The following LRRC52 variants were observed in gnomAD, a reference collection of about 807,000 sequenced individuals.
The protein encoded by LRRC52 is leucine rich repeat containing 52.
Under a neutral mutation model 14.7 loss-of-function variants are expected in LRRC52, and 15 were observed. That is an observed-to-expected ratio of 1.02 (90% CI 0.68 to 1.58). The LOEUF is 1.58. Ranked by LOEUF, LRRC52 falls within the 40% of genes most tolerant of loss-of-function variation. The pLI, the probability that LRRC52 is intolerant of heterozygous loss-of-function variation, is 0.00. For synonymous variants in LRRC52, 180 were observed against 163.9 expected (o/e 1.10, Z -0.75); for missense variants, 400 against 387.7 (o/e 1.03, Z -0.27).
chr1:165,544,759 C>T lies in LRRC52; in HGVS notation c.463C>T (p.Leu155=), dbSNP rs747972204. The part of the protein sequence containing the change: ...TFANTTSLRY[L]DLRNTGLQTL... ...TGCCAACACCACCTCTTTGAGGTAC[C>T]TGGACCTCAGAAATACCGGCTTGCA... is the stretch of plus-strand genomic sequence containing the variant. The change falls in exon 1 of 2, where the codon CTG becomes TTG. Residue 155 remains leucine, a synonymous_variant. Coordinates refer to ENST00000294818, the MANE Select transcript of LRRC52 (RefSeq NM_001005214.4). 2.5e-6 allele frequency: 4 copies of T among 1,613,968 alleles called. No homozygotes were observed. The East Asian group carries it at 6.7e-5, about 27-fold the overall frequency.
intron 1 of LRRC52, among the ~76,000 whole-genome samples, chr1:165,556,974 C>T (rs1661246401): frequency 6.6e-6 from 1 of 152,084 alleles, no homozygotes; most frequent in African/African-American, 2.4e-5. Context: ...AACAACAGGC[C>T]AAAGACATCA....
In LRRC52 at chr1:165,544,017, G is replaced by C; in HGVS notation, c.-280G>C. ...CCCTGGCTCCCCTTCACTTGCAAACGCAGGGAAAGGGTGAGACCTTTCAAA... is the reference window on the plus strand; with the variant it reads ...CCCTGGCTCCCCTTCACTTGCAAACCCAGGGAAAGGGTGAGACCTTTCAAA... On this transcript the variant is annotated 5_prime_UTR_variant, in exon 1 of 2. Transcript: ENST00000294818. 1 of 454,226 alleles carries C rather than the reference G, an allele frequency of 2.2e-6. No homozygotes were observed. The allele number at this position is 454,226 out of a possible 1,614,324, so 28.1% of individuals were successfully genotyped here. A position where few individuals can be genotyped will look rare whatever the true frequency, so the allele number is the denominator to read the frequency against.
intron 1 of LRRC52, among the ~76,000 whole-genome samples, chr1:165,557,551 C>A (rs954995946): frequency 1.3e-5 from 2 of 152,166 alleles, no homozygotes; most frequent in African/African-American, 4.8e-5. Context: ...ACAAAAAATT[C>A]TTATGCTCAT....
Position 165,563,507 on chromosome 1 carries a change from G to A in LRRC52, c.625G>A (p.Asp209Asn), listed in dbSNP as rs1385455153. Residue 209 changes from aspartate (D) to asparagine (N), a missense_variant and splice_region_variant, in exon 2 of 2, where the codon GAT (aspartate) becomes AAT (asparagine). Coordinates refer to ENST00000294818, the MANE Select transcript of LRRC52 (RefSeq NM_001005214.4). Reference sequence around the variant, plus strand: ...GCCTGCTGTGTTTTTCTTCTTAGATGATCTAAATGCCACATGTGTGGAGCC... The same window carrying A: ...GCCTGCTGTGTTTTTCTTCTTAGATAATCTAAATGCCACATGTGTGGAGCC... ...LIVFHMDPSDDLNATCVEPTE... is the reference protein window; with the variant it reads ...LIVFHMDPSDNLNATCVEPTE... 6.2e-7 allele frequency: 1 copy of A among 1,609,852 alleles called. No individual in the cohort carries two copies. The highest frequency in any genetic ancestry group is 1.3e-5 in the African/African-American group (1 of 74,956).
chr1:165,551,687 C>T (rs1661135476), intron 1 of LRRC52, among the ~76,000 whole-genome samples: 1 of 152,016 alleles, frequency 6.6e-6, no homozygotes, highest in East Asian at 1.9e-4. Context: ...CCACTCAGGG[C>T]CATCTGCAGG....
intron 1 of LRRC52, among the ~76,000 whole-genome samples, chr1:165,552,195 A>C (rs534168529): frequency 6.6e-6 from 1 of 152,280 alleles, no homozygotes; most frequent in African/African-American, 2.4e-5. Context: ...TCCCTGACTC[A>C]GGCCAATTGG....
At position 165,557,213 on chromosome 1, in the gene LRRC52, A is replaced by G. The variant is rs145920431; in HGVS notation, c.623-6292A>G. Among the ~76,000 whole-genome samples, 29 of 152,258 alleles carry G rather than the reference A, an allele frequency of 1.9e-4. 2 individuals carry two copies. In the East Asian group the frequency reaches 5.6e-3, roughly 29 times the overall value. On this transcript the variant is annotated intron_variant, in intron 1 of 1. Transcript: ENST00000294818. ...CCCTTGTTTCCTTCTCTTCAGTCTCACAGGACAGAGGAGGTGCTCTTCCCA... is the reference window on the plus strand; with the variant it reads ...CCCTTGTTTCCTTCTCTTCAGTCTCGCAGGACAGAGGAGGTGCTCTTCCCA...
At chr1:165,553,169 A>T (rs1031009065) in intron 1 of LRRC52, among the ~76,000 whole-genome samples, 1 of 152,258 alleles carries the variant, frequency 6.6e-6, no homozygotes, top group Non-Finnish European at 1.5e-5. Context: ...AATAAGGGCC[A>T]AGTACAGAAG....
At chr1:165,563,459 G>C (rs1301747317) in intron 1 of LRRC52, 46 bp from the exon 2 acceptor site, 1 of 1,548,466 alleles carries the variant, frequency 6.5e-7, no homozygotes, top group East Asian at 2.3e-5. Context: ...AGGACGCTGG[G>C]AGTCACGCTG....
At chr1:165,556,385 C>A (rs1157201370) in intron 1 of LRRC52, among the ~76,000 whole-genome samples, 4 of 85,356 alleles carry the variant, frequency 4.7e-5, no homozygotes, top group South Asian at 5.5e-4. Flanking sequence ...ACTCTATATA[C>A]AAGGGGGGGA....
intron 1 of LRRC52, among the ~76,000 whole-genome samples, chr1:165,548,587 A>G (rs1661070060): frequency 1.3e-5 from 2 of 152,214 alleles, no homozygotes; most frequent in African/African-American, 4.8e-5. Context: ...AGCAGAGCCC[A>G]GTGTTAAGAG....
chr1:165,544,919 G>A lies in LRRC52; in HGVS notation c.622+1G>A, dbSNP rs763879696. 2 of 1,612,676 alleles carry A rather than the reference G, an allele frequency of 1.2e-6. No homozygotes were observed. The highest frequency in any genetic ancestry group is 2.2e-5 in the South Asian group (2 of 91,018). ...ATAGTGTTCCATATGGACCCCTCAGGTGAGGGCTTGATTGGGTGTGGGGAA... is the reference window on the plus strand; with the variant it reads ...ATAGTGTTCCATATGGACCCCTCAGATGAGGGCTTGATTGGGTGTGGGGAA... On this transcript the variant is annotated splice_donor_variant, in intron 1 of 1. Coordinates refer to ENST00000294818, the MANE Select transcript of LRRC52 (RefSeq NM_001005214.4). LOFTEE classifies it high-confidence loss of function.
At chr1:165,556,533 G>A (rs182967138) in intron 1 of LRRC52, among the ~76,000 whole-genome samples, 1 of 152,336 alleles carries the variant, frequency 6.6e-6, no homozygotes, top group East Asian at 1.9e-4. Flanking sequence ...AAATATTCTA[G>A]GCTTTGTGGG....
At chr1:165,552,942 G>C (rs1476251752) in intron 1 of LRRC52, among the ~76,000 whole-genome samples, 5 of 152,298 alleles carry the variant, frequency 3.3e-5, no homozygotes, top group African/African-American at 1.2e-4. Context: ...TTGGAGGAGG[G>C]CAGTGAGGAA....
intron 1 of LRRC52, among the ~76,000 whole-genome samples, chr1:165,555,735 G>T (rs1393260426): frequency 6.6e-6 from 1 of 152,228 alleles, no homozygotes; most frequent in African/African-American, 2.4e-5. Context: ...GTTTGCTTAT[G>T]ATCTGAACAT....
rs568701096 is a variant in LRRC52, at chr1:165,546,565, A to AC, written c.622+1647_622+1648insC. Among the ~76,000 whole-genome samples the AC allele has an allele frequency of 2.9e-4, 44 of 152,218 alleles. No homozygotes were observed. The South Asian group carries it at 8.9e-3, about 31-fold the overall frequency. The stretch of plus-strand genomic sequence containing the variant: ...ATTCTCCCCTGTCCATGTTCCTGTA[A>AC]ATTAGCCTGTGGAAGGGTGTCATCT... On this transcript the variant is annotated intron_variant, in intron 1 of 1. Coordinates refer to ENST00000294818, the MANE Select transcript of LRRC52 (RefSeq NM_001005214.4).
intron 1 of LRRC52, among the ~76,000 whole-genome samples, chr1:165,553,451 A>T (rs545645864): frequency 2.0e-5 from 3 of 152,228 alleles, no homozygotes; most frequent in Non-Finnish European, 4.4e-5. Flanking sequence ...GTGAAGGAGT[A>T]AACCATGTAA....
Position 165,544,631 on chromosome 1 carries a change from A to T in LRRC52, c.335A>T (p.Asn112Ile). 1 of 1,612,896 alleles carries T rather than the reference A, an allele frequency of 6.2e-7. No homozygotes were observed. Among genetic ancestry groups the T allele is most frequent in the Non-Finnish European group, 8.5e-7 (1 of 1,179,736 alleles). ...KLIYLDLSSNNLTSISPFTFS... is the reference protein window; with the variant it reads ...KLIYLDLSSNILTSISPFTFS... ...ATCTACCTTGACCTCAGCTCCAACAACCTAACCTCGATCTCCCCATTCACT... is the reference window on the plus strand; with the variant it reads ...ATCTACCTTGACCTCAGCTCCAACATCCTAACCTCGATCTCCCCATTCACT... The change falls in exon 1 of 2, where the codon AAC becomes ATC. Residue 112 changes from asparagine to isoleucine, a missense_variant. Transcript: ENST00000294818.
chr1:165,547,871 C>T (rs1484841461), intron 1 of LRRC52, among the ~76,000 whole-genome samples: 1 of 152,186 alleles, frequency 6.6e-6, no homozygotes, highest in South Asian at 2.1e-4. Flanking sequence ...CTCTTGCCTT[C>T]TAGCCAAACC....
Sources: gnomAD v4.1 joint callset for allele counts (sites outside exome capture counted in the v4.1 genomes callset) on GRCh38, gnomAD v4.1.1 for gene constraint, MANE v1.5 for transcripts, NCBI Gene and HGNC (gene_info 2026-07-23, HGNC 2026-07-21) for gene names.